The following MARCHF1 variants were observed in gnomAD, a reference collection of about 807,000 sequenced individuals.
The protein encoded by MARCHF1 is membrane associated ring-CH-type finger 1.
Under a neutral mutation model 54.2 loss-of-function variants are expected in MARCHF1, and 40 were observed. The ratio of observed to expected loss-of-function variants is 0.74; its 90% CI spans 0.57 to 0.96. MARCHF1 has a LOEUF of 0.96. Among genes scored for constraint, MARCHF1 ranks in the 40% least tolerant of loss-of-function variants. MARCHF1 has a pLI of 0.00. For synonymous variants in MARCHF1, 236 were observed against 236.3 expected, an observed-to-expected ratio of 1.00 and a Z score of 0.01; for missense variants, 586 against 656.5, an observed-to-expected ratio of 0.89 and a Z score of 1.17.
chr4:163,983,318 G>C (rs1026692519), intron 3 of MARCHF1, among the ~76,000 whole-genome samples: 12 of 152,050 alleles, frequency 7.9e-5, no homozygotes, highest in African/African-American at 2.9e-4. Context: ...AGATTAAGAG[G>C]CCTTGATGAA....
intron 3 of MARCHF1, among the ~76,000 whole-genome samples, chr4:163,955,998 A>AG (rs1560835129): frequency 6.6e-6 from 1 of 152,118 alleles, no homozygotes; most frequent in Non-Finnish European, 1.5e-5. Context: ...TAGAAAATAG[A>AG]GGTGAGTTAA....
At position 164,032,138 on chromosome 4, in the gene MARCHF1, C is replaced by A. The variant is rs550132446; in HGVS notation, c.-247-43429G>T. On this transcript the variant is annotated intron_variant, in intron 2 of 9. Coordinates refer to ENST00000514618, the MANE Select transcript of MARCHF1 (RefSeq NM_001394959.1). ...TTTGCATAGTGGTGTTTATTGTATT[C>A]TCTGATGGTAGTTTGTATTTCTGTG... Among the ~76,000 whole-genome samples the A allele has an allele frequency of 2.6e-4, 39 of 152,084 alleles. No individual in the cohort carries two copies. In the South Asian group the frequency reaches 3.3e-3, roughly 13 times the overall value.
intron 4 of MARCHF1, among the ~76,000 whole-genome samples, chr4:163,791,933 A>G (rs1747783879): frequency 6.6e-6 from 1 of 152,092 alleles, no homozygotes; most frequent in African/African-American, 2.4e-5. Context: ...CTTTCCTTCA[A>G]GTTCTAAGAT....
At chr4:164,166,779 A>G (rs1399654433) in intron 1 of MARCHF1, among the ~76,000 whole-genome samples, 1 of 151,884 alleles carries the variant, frequency 6.6e-6, no homozygotes, top group East Asian at 1.9e-4. Context: ...GTTAGATGCA[A>G]TAAACAAATT....
At chr4:164,070,791 A>G (rs1052709341) in intron 2 of MARCHF1, among the ~76,000 whole-genome samples, 6 of 152,244 alleles carry the variant, frequency 3.9e-5, no homozygotes, top group African/African-American at 1.4e-4. Flanking sequence ...TTCTCTTAAA[A>G]TATTCAAATA....
intron 2 of MARCHF1, among the ~76,000 whole-genome samples, chr4:164,005,113 G>T (rs1560857688): frequency 6.6e-6 from 1 of 151,628 alleles, no homozygotes; most frequent in Non-Finnish European, 1.5e-5. Context: ...CAATAACAAA[G>T]ATAAGAGGAA....
chr4:163,824,762 A>G (rs1220903298), intron 4 of MARCHF1, among the ~76,000 whole-genome samples: 2 of 89,082 alleles, frequency 2.2e-5, no homozygotes, highest in African/African-American at 7.0e-5. Context: ...GCTAATATCC[A>G]GAATCTACAA....
chr4:163,944,110 G>T (rs928659490), intron 3 of MARCHF1, among the ~76,000 whole-genome samples: 1 of 149,420 alleles, frequency 6.7e-6, no homozygotes, highest in African/African-American at 2.5e-5. Flanking sequence ...GGGGCTACAG[G>T]CACCTGTCAC....
rs1742556046 is a variant in MARCHF1, at chr4:163,641,542, C to T, written c.163-28149G>A. Among the ~76,000 whole-genome samples, 3 of 152,078 alleles carry T rather than the reference C, an allele frequency of 2.0e-5. No homozygotes were observed. In the South Asian group the frequency reaches 6.2e-4, roughly 32 times the overall value. Reference sequence around the variant, plus strand: ...GAAGCTACAAAGAAGATATTAATTCCTGTGTTCATACAGGGGTTAATACAT... The same window carrying T: ...GAAGCTACAAAGAAGATATTAATTCTTGTGTTCATACAGGGGTTAATACAT... On this transcript the variant is annotated intron_variant, in intron 5 of 9. Transcript: ENST00000514618.
At chr4:163,641,695 C>G (rs138386993) in intron 5 of MARCHF1, among the ~76,000 whole-genome samples, 178 of 152,240 alleles carry the variant, frequency 1.2e-3, no homozygotes, top group African/African-American at 3.9e-3. Flanking sequence ...TTTAGCAGTA[C>G]CAAAGAATTA....
chr4:164,099,911 A>T (rs1403785954), intron 2 of MARCHF1, among the ~76,000 whole-genome samples: 1 of 152,190 alleles, frequency 6.6e-6, no homozygotes, highest in African/African-American at 2.4e-5. Flanking sequence ...ACAAGGAAGA[A>T]GAAATAAGTG....
intron 1 of MARCHF1, among the ~76,000 whole-genome samples, chr4:164,212,491 A>C (rs533387135): frequency 7.9e-5 from 12 of 152,268 alleles, no homozygotes; most frequent in African/African-American, 2.9e-4. Context: ...TTTTTAAAGT[A>C]TATTTTCTGT....
chr4:163,857,439 A>G (rs1464259399), intron 3 of MARCHF1, among the ~76,000 whole-genome samples: 1 of 152,144 alleles, frequency 6.6e-6, no homozygotes, highest in Non-Finnish European at 1.5e-5. Flanking sequence ...ATAAGCATTT[A>G]TAATTAACCC....
intron 8 of MARCHF1, among the ~76,000 whole-genome samples, chr4:163,575,039 T>C (rs190206077): frequency 1.4e-4 from 21 of 152,192 alleles, no homozygotes; most frequent in African/African-American, 4.3e-4. Flanking sequence ...CTGATTGCTA[T>C]GGCTATCACT....
At chr4:163,979,534 C>G (rs1324687024) in intron 3 of MARCHF1, among the ~76,000 whole-genome samples, 1 of 148,552 alleles carries the variant, frequency 6.7e-6, no homozygotes, top group Non-Finnish European at 1.5e-5. Flanking sequence ...TGGGTATATA[C>G]CCAGTAATGG....
At chr4:163,750,588 T>G (rs1375858280) in intron 4 of MARCHF1, among the ~76,000 whole-genome samples, 1 of 152,096 alleles carries the variant, frequency 6.6e-6, no homozygotes, top group African/African-American at 2.4e-5. Flanking sequence ...AAGGCCCAGA[T>G]GGCTTTGCCA....
intron 1 of MARCHF1, among the ~76,000 whole-genome samples, chr4:164,316,705 A>C (rs1012877873): frequency 6.6e-6 from 1 of 152,162 alleles, no homozygotes; most frequent in African/African-American, 2.4e-5. Flanking sequence ...GTGTCCCCTC[A>C]CAAATCCCAT....
rs146785384 is a variant in MARCHF1 at position 163,841,317 on chromosome 4, A to G, written c.111+12704T>C. Among the ~76,000 whole-genome samples the G allele has an allele frequency of 3.2e-3, 489 of 152,170 alleles. 4 individuals are homozygous for G. Among genetic ancestry groups the G allele is most frequent in the African/African-American group, 0.011 (459 of 41,536 alleles). ...GAATGTAGGTTCATCAACTATAACA[A>G]ATGGACCACTTTGGGGATGTTAACA... On this transcript the variant is annotated intron_variant, in intron 4 of 9. Transcript: ENST00000514618.
intron 8 of MARCHF1, among the ~76,000 whole-genome samples, chr4:163,564,334 G>A (rs1274981552): frequency 3.3e-5 from 5 of 152,076 alleles, no homozygotes; most frequent in Non-Finnish European, 7.4e-5. Flanking sequence ...CTCAATAATG[G>A]ATATGATAAT....
Sources: gnomAD v4.1 joint callset for allele counts (sites outside exome capture counted in the v4.1 genomes callset) on GRCh38, gnomAD v4.1.1 for gene constraint, MANE v1.5 for transcripts, NCBI Gene and HGNC (gene_info 2026-07-23, HGNC 2026-07-21) for gene names.